IARS2: variants seen among roughly 807,000 people sequenced by gnomAD.
The protein encoded by IARS2 is isoleucyl-tRNA synthetase 2, mitochondrial.
Under a neutral mutation model 126.3 loss-of-function variants are expected in IARS2, and 56 were observed. The observed-to-expected ratio is 0.44, with a 90% CI of 0.36 to 0.55. IARS2 has a LOEUF of 0.55. Among genes scored for constraint, IARS2 ranks in the 20% least tolerant of loss-of-function variants. The probability of loss-of-function intolerance (pLI) is 0.00; values close to 1 mark genes in which losing one functional copy is unlikely to be tolerated. For missense variants in IARS2, 1,127 were observed against 1,245.9 expected (o/e 0.90, Z 1.44); for synonymous variants, 407 against 441.1 (o/e 0.92, Z 0.97).
In IARS2 at chr1:220,142,945, G is replaced by C. The variant is rs368357452; in HGVS notation, c.2562G>C (p.Glu854Asp). 13 of 1,606,202 alleles carry C rather than the reference G, an allele frequency of 8.1e-6. No homozygotes were observed. The African/African-American group carries it at 1.6e-4, about 20-fold the overall frequency. The change falls in exon 21 of 23, where the codon GAG becomes GAC. Residue 854 changes from glutamate (E) to aspartate (D), a missense_variant and splice_region_variant. Coordinates refer to ENST00000366922, the MANE Select transcript of IARS2 (RefSeq NM_018060.4). ...TTTACTATTTTTGTTCTTCTGAAGA[G>C]CCCAAGAGTGTTTTCCGTACTGGGT... is the stretch of plus-strand genomic sequence containing the variant. ...EVFQHIPYIKEPKSVFRTGWI... is the reference protein window; with the variant it reads ...EVFQHIPYIKDPKSVFRTGWI...
rs1343401413 is a variant in IARS2, at chr1:220,094,331, A to C, written c.115A>C (p.Arg39=). ...CSPGWQGATK[R]LLVRSVSGAS... The stretch of plus-strand genomic sequence containing the variant: ...CCCGGGATGGCAAGGGGCGACGAAG[A>C]GGCTTCTGGTGCGGTCGGTCTCCGG... Residue 39 remains arginine (R), a synonymous_variant, in exon 1 of 23, where the codon AGG becomes CGG. Coordinates refer to ENST00000366922, the MANE Select transcript of IARS2 (RefSeq NM_018060.4). 1 of 1,612,728 alleles carries C rather than the reference A, an allele frequency of 6.2e-7. No homozygotes were observed. The highest frequency in any genetic ancestry group is 8.5e-7 in the Non-Finnish European group (1 of 1,179,552).
intron 13 of IARS2, among the ~76,000 whole-genome samples, chr1:220,125,835 A>G (rs1403231355): frequency 6.6e-6 from 1 of 151,986 alleles, no homozygotes; most frequent in Non-Finnish European, 1.5e-5. Flanking sequence ...GGTCGGGCGC[A>G]GTGGTGCACA....
At chr1:220,104,751 C>G (rs951393850) in intron 8 of IARS2, among the ~76,000 whole-genome samples, 19 of 151,856 alleles carry the variant, frequency 1.3e-4, no homozygotes, top group African/African-American at 4.4e-4. Context: ...CCAGGCAGAT[C>G]TTGAACTCCT....
chr1:220,129,871 A>G (rs886867235), intron 14 of IARS2, among the ~76,000 whole-genome samples: 1 of 152,178 alleles, frequency 6.6e-6, no homozygotes, highest in African/African-American at 2.4e-5. Context: ...ATAAATACCT[A>G]GTAGTGGGAT....
intron 3 of IARS2, 97 bp from the exon 4 acceptor site, chr1:220,102,032 G>A: frequency 1.7e-6 from 2 of 1,195,166 alleles, no homozygotes; most frequent in South Asian, 2.7e-5. Context: ...ATTCTAAACT[G>A]TCTGTAGCAT....
At chr1:220,097,844 G>C (rs1656479292) in intron 2 of IARS2, among the ~76,000 whole-genome samples, 1 of 152,104 alleles carries the variant, frequency 6.6e-6, no homozygotes, top group East Asian at 1.9e-4. Context: ...TGAGGACAAA[G>C]GAATAATTCC....
rs780624359 is a variant in IARS2, at chr1:220,136,831, A to G, written c.1969A>G (p.Thr657Ala). The change falls in exon 16 of 23, where the codon ACC (threonine) becomes GCC (alanine). Residue 657 changes from threonine to alanine, a missense_variant. By Grantham distance (58) the Thr-to-Ala change is moderately conservative. Transcript: ENST00000366922. ...PYKTVIVHGF[T>A]LGEKGEKMSK... Reference sequence around the variant, plus strand: ...TAGGACAGTGATTGTTCATGGATTTACCCTTGGAGAAAAGGGAGAAAAGAT... The same window carrying G: ...TAGGACAGTGATTGTTCATGGATTTGCCCTTGGAGAAAAGGGAGAAAAGAT... 2 of 1,604,910 alleles carry G rather than the reference A, an allele frequency of 1.2e-6. No individual in the cohort carries two copies. Among genetic ancestry groups the G allele is most frequent in the South Asian group, 2.2e-5 (2 of 90,600 alleles).
chr1:220,141,828 C>A lies in IARS2; in HGVS notation c.2440C>A (p.Pro814Thr). 6.2e-7 allele frequency: 1 copy of A among 1,613,966 alleles called. No homozygotes were observed. The highest frequency in any genetic ancestry group is 1.3e-5 in the African/African-American group (1 of 75,010). The change falls in exon 20 of 23, where the codon CCC becomes ACC. Residue 814 changes from proline (P) to threonine (T), a missense_variant. Physicochemically the swap from Pro to Thr is conservative, Grantham distance 38. Transcript: ENST00000366922. Reference sequence around the variant, plus strand: ...GCTCTATTGTGAAAAGGAAAATGACCCCAAACGACGCTCTTGTCAGACTGC... The same window carrying A: ...GCTCTATTGTGAAAAGGAAAATGACACCAAACGACGCTCTTGTCAGACTGC... The part of the protein sequence containing the change: ...DRLYCEKEND[P>T]KRRSCQTALV...
intron 7 of IARS2, among the ~76,000 whole-genome samples, chr1:220,103,022 TGAA>T (rs1558120084): frequency 2.0e-5 from 3 of 152,088 alleles, no homozygotes; most frequent in African/African-American, 7.2e-5. Flanking sequence ...AGTTTGATCT[TGAA>T]GTCAGTTTTT....
chr1:220,136,813 G>C lies in IARS2; in HGVS notation c.1951G>C (p.Val651Leu). 6.4e-7 allele frequency: 1 copy of C among 1,570,118 alleles called. No individual in the cohort carries two copies. Among genetic ancestry groups the C allele is most frequent in the Non-Finnish European group, 8.8e-7 (1 of 1,142,280 alleles). Reference sequence around the variant, plus strand: ...ATAGCTGATTTGTCCCTTTAGGACAGTGATTGTTCATGGATTTACCCTTGG... The same window carrying C: ...ATAGCTGATTTGTCCCTTTAGGACACTGATTGTTCATGGATTTACCCTTGG... The part of the protein sequence containing the change: ...AARKRAPYKT[V>L]IVHGFTLGEK... Residue 651 changes from valine (V) to leucine (L), a missense_variant, in exon 16 of 23, where the codon GTG becomes CTG. Coordinates refer to ENST00000366922, the MANE Select transcript of IARS2 (RefSeq NM_018060.4).
chr1:220,125,379 A>T, intron 13 of IARS2, 40 bp downstream of exon 13: 1 of 1,228,310 alleles, frequency 8.1e-7, no homozygotes, highest in Non-Finnish European at 1.2e-6. Flanking sequence ...TGTATGTATT[A>T]CAGGACTTAA....
At chr1:220,128,869 CTGATAGAGT>C (rs1395938781) in intron 14 of IARS2, among the ~76,000 whole-genome samples, 3 of 150,976 alleles carry the variant, frequency 2.0e-5, no homozygotes, top group Non-Finnish European at 4.4e-5. Flanking sequence ...TAAAATCTAT[CTGATAGAGT>C]TTAGTCATAA....
intron 2 of IARS2, 72 bp from the exon 3 acceptor site, chr1:220,100,418 A>G: frequency 2.4e-6 from 3 of 1,247,376 alleles, no homozygotes; most frequent in South Asian, 1.6e-5. Flanking sequence ...TTATCATTTT[A>G]TCTTTGCAGA....
intron 9 of IARS2, 76 bp from the exon 10 acceptor site, chr1:220,106,985 T>C (rs1456943027): frequency 1.3e-5 from 13 of 974,024 alleles, no homozygotes; most frequent in African/African-American, 1.1e-4. Context: ...GATGTTTTTA[T>C]ATATATTGTT....
chr1:220,146,501 G>GA (rs951645196), intron 22 of IARS2, among the ~76,000 whole-genome samples: 1 of 133,820 alleles, frequency 7.5e-6, no homozygotes, highest in Admixed American at 8.3e-5. Context: ...CTGGGCGACA[G>GA]AGCGAGACTC....
intron 3 of IARS2, among the ~76,000 whole-genome samples, chr1:220,101,077 A>G (rs974564988): frequency 8.6e-5 from 13 of 151,928 alleles, no homozygotes; most frequent in Admixed American, 2.6e-4. Flanking sequence ...TTTTTCTTAT[A>G]TGTTATACTA....
In IARS2 at chr1:220,118,423, A is replaced by G. The variant is rs114388084; in HGVS notation, c.1640+3949A>G. Among the ~76,000 whole-genome samples, 4 of 151,236 alleles carry G rather than the reference A, an allele frequency of 2.6e-5. 1 individual carries two copies. The highest frequency in any genetic ancestry group is 5.9e-5 in the Non-Finnish European group (4 of 67,336). On this transcript the variant is annotated intron_variant, in intron 12 of 22. Transcript: ENST00000366922. ...AATAGTGTCATTTGCATTTTAGATCATATTTGTATTTTATCAAGAAATAAT... is the reference window on the plus strand; with the variant it reads ...AATAGTGTCATTTGCATTTTAGATCGTATTTGTATTTTATCAAGAAATAAT...
Position 220,126,729 on chromosome 1 carries a change from G to A in IARS2, c.1744-21G>A, listed in dbSNP as rs764383213. 9 of 1,571,272 alleles carry A rather than the reference G, an allele frequency of 5.7e-6. No individual in the cohort carries two copies. The South Asian group carries it at 8.9e-5, about 16-fold the overall frequency. On this transcript the variant is annotated intron_variant, in intron 13 of 22. Transcript: ENST00000366922. Reference sequence around the variant, plus strand: ...ATTGTGATCTTTGTGTACCTGACATGCTTTTGCATTATCTTACTAGGTTGG... The same window carrying A: ...ATTGTGATCTTTGTGTACCTGACATACTTTTGCATTATCTTACTAGGTTGG...
At position 220,102,370 on chromosome 1, in the gene IARS2, T is replaced by C. The variant is rs757319390; in HGVS notation, c.707T>C (p.Val236Ala). ...TATTTTTGTCTTTTATAGGGCTTGG[T>C]TTATCGATCTTACAAACCTGTGTTT... ...TFYQMYDKGL[V>A]YRSYKPVFWS... The change falls in exon 5 of 23, where the codon GTT becomes GCT. Residue 236 changes from valine (V) to alanine (A), a missense_variant. Val to Ala is a moderately conservative substitution (Grantham distance 64, BLOSUM62 0). Transcript: ENST00000366922. 1.2e-6 allele frequency: 2 copies of C among 1,613,870 alleles called. No individual in the cohort carries two copies. Among genetic ancestry groups the C allele is most frequent in the Non-Finnish European group, 1.7e-6 (2 of 1,179,954 alleles).
Sources: allele counts gnomAD v4.1 joint callset (sites outside exome capture counted in the v4.1 genomes callset), GRCh38; gene constraint gnomAD v4.1.1; transcripts MANE v1.5; gene names NCBI Gene and HGNC (gene_info 2026-07-23, HGNC 2026-07-21).